GPBP1: variants seen among roughly 807,000 people sequenced by gnomAD.
GPBP1 encodes vasculin.
GPBP1 carries 13 observed loss-of-function variants against 56.5 expected under a neutral mutation model. That is an observed-to-expected ratio of 0.23 (90% CI 0.15 to 0.37). The LOEUF is 0.37. Ranked by LOEUF, GPBP1 falls within the 10% of genes least tolerant of loss-of-function variation. The pLI is 1.00. For synonymous variants in GPBP1, 204 were observed against 188.9 expected (o/e 1.08, Z -0.66); for missense variants, 477 against 572.3 (o/e 0.83, Z 1.70).
intron 3 of GPBP1, among the ~76,000 whole-genome samples, chr5:57,216,911 A>G (rs1327135434): frequency 1.3e-5 from 2 of 151,766 alleles, no homozygotes; most frequent in African/African-American, 4.8e-5. Flanking sequence ...GCTCATGACT[A>G]CAATTTCAGG....
At chr5:57,232,551 T>TA (rs1580052619) in intron 5 of GPBP1, among the ~76,000 whole-genome samples, 1 of 152,204 alleles carries the variant, frequency 6.6e-6, no homozygotes, top group East Asian at 1.9e-4. Context: ...TTCCACAAGT[T>TA]ACTTCCTCCT....
chr5:57,257,807 G>A (rs534147694), intron 10 of GPBP1, among the ~76,000 whole-genome samples: 11 of 152,208 alleles, frequency 7.2e-5, no homozygotes, highest in South Asian at 6.2e-4. Context: ...AGGGTTAGAC[G>A]TAAATAAGGG....
intron 6 of GPBP1, among the ~76,000 whole-genome samples, chr5:57,240,000 C>T (rs1216655373): frequency 6.6e-6 from 1 of 152,120 alleles, no homozygotes; most frequent in Non-Finnish European, 1.5e-5. Flanking sequence ...GTGGCTCATG[C>T]CTGTAATCCC....
At chr5:57,174,251 A>C (rs1753693575) in intron 1 of GPBP1, 40 bp downstream of exon 1, 1 of 152,002 alleles carries the variant, frequency 6.6e-6, no homozygotes, top group African/African-American at 2.4e-5. Context: ...AGCCCGGGGG[A>C]GGAGGGGAGT....
At chr5:57,239,465 T>G (rs988326053) in intron 6 of GPBP1, among the ~76,000 whole-genome samples, 1 of 152,188 alleles carries the variant, frequency 6.6e-6, no homozygotes, top group Admixed American at 6.5e-5. Context: ...TAAACCAAAA[T>G]AGATTTGTTA....
chr5:57,245,877 A>T lies in GPBP1; in HGVS notation c.479-423A>T, dbSNP rs73129907. ...TTATTGGTAATAACTTTGTAAGTGG[A>T]GTAAAAAGAATGAAAAAATTGAAAT... On this transcript the variant is annotated intron_variant, in intron 6 of 11. Coordinates refer to ENST00000506184, the MANE Select transcript of GPBP1 (RefSeq NM_022913.4). 677 of 153,202 alleles carry T rather than the reference A, an allele frequency of 4.4e-3. 2 individuals carry two copies. Among genetic ancestry groups the T allele is most frequent in the African/African-American group, 0.016 (650 of 41,624 alleles). The allele number at this position is 153,202 out of a possible 1,614,324, so 9.5% of individuals were successfully genotyped here.
intron 2 of GPBP1, among the ~76,000 whole-genome samples, chr5:57,203,944 C>T (rs955783191): frequency 6.2e-4 from 94 of 152,190 alleles, no homozygotes; most frequent in Non-Finnish European, 4.9e-4. Context: ...AGGCCATGTT[C>T]CTTAGACAGG....
At chr5:57,204,910 A>G (rs1250486428) in intron 2 of GPBP1, among the ~76,000 whole-genome samples, 3 of 152,150 alleles carry the variant, frequency 2.0e-5, no homozygotes, top group African/African-American at 4.8e-5. Context: ...ATGTTTTTTA[A>G]TTTATTCAAG....
At chr5:57,200,021 C>CTTT (rs61426559) in intron 2 of GPBP1, among the ~76,000 whole-genome samples, 11 of 58,886 alleles carry the variant, frequency 1.9e-4, no homozygotes, top group East Asian at 1.0e-3. Context: ...ACTTGAAAAT[C>CTTT]TTTTTTTTTT....
chr5:57,196,055 T>TA (rs1488560121), intron 2 of GPBP1, among the ~76,000 whole-genome samples: 1 of 150,052 alleles, frequency 6.7e-6, no homozygotes, highest in Admixed American at 6.7e-5. Flanking sequence ...GTCAATATGA[T>TA]ATCTGCACAT....
At chr5:57,192,170 C>T (rs1754555472) in intron 2 of GPBP1, among the ~76,000 whole-genome samples, 1 of 152,150 alleles carries the variant, frequency 6.6e-6, no homozygotes, top group Non-Finnish European at 1.5e-5. Flanking sequence ...GAAATTGTTT[C>T]TGGAACACTG....
At chr5:57,250,879 A>C in intron 9 of GPBP1, 75 bp from the exon 10 acceptor site, 1 of 967,598 alleles carries the variant, frequency 1.0e-6, no homozygotes, top group South Asian at 1.8e-5. Context: ...CTTAGTTAGG[A>C]TCTATTAAAA....
chr5:57,194,609 A>G (rs1001912389), intron 2 of GPBP1, among the ~76,000 whole-genome samples: 1 of 152,076 alleles, frequency 6.6e-6, no homozygotes, highest in African/African-American at 2.4e-5. Context: ...ACCAAATACT[A>G]GATCTTATTC....
At chr5:57,250,922 CTTTT>C (rs34533194) in intron 9 of GPBP1, 28 bp from the exon 10 acceptor site, 7 of 1,172,950 alleles carry the variant, frequency 6.0e-6, no homozygotes, top group Non-Finnish European at 7.1e-6. Flanking sequence ...AGAACTCATT[CTTTT>C]TTTTTTTTTT....
intron 3 of GPBP1, among the ~76,000 whole-genome samples, chr5:57,225,174 T>C (rs1003289437): frequency 6.6e-6 from 1 of 152,104 alleles, no homozygotes; most frequent in Non-Finnish European, 1.5e-5. Flanking sequence ...ACTGGTATTA[T>C]TTCGCCGGGC....
rs201510984 is a variant in GPBP1 at position 57,262,791 on chromosome 5, A to G, written c.*39A>G. ...AGCTTTAGAAATCTTAGTGTGATAC[A>G]TCTCTCATACAGTTTGGGGTGAATT... On this transcript the variant is annotated 3_prime_UTR_variant, in exon 12 of 12. Transcript: ENST00000506184. 5 of 1,567,058 alleles carry G rather than the reference A, an allele frequency of 3.2e-6. No homozygotes were observed. In the East Asian group the frequency reaches 6.7e-5, roughly 21 times the overall value.
intron 2 of GPBP1, among the ~76,000 whole-genome samples, chr5:57,210,701 A>G (rs1755439259): frequency 6.6e-6 from 1 of 152,228 alleles, no homozygotes; most frequent in Non-Finnish European, 1.5e-5. Flanking sequence ...GGCTTAAACA[A>G]CAGACATTTA....
chr5:57,175,688 G>T lies in GPBP1; in HGVS notation c.-770G>T, dbSNP rs754476398. ...TTTGGTTCAAACGGATTATATAACT[G>T]GTTACAGTATTTCAGCTGGTGGTAA... is the stretch of plus-strand genomic sequence containing the variant. On this transcript the variant is annotated 5_prime_UTR_variant, in exon 2 of 12. Transcript: ENST00000506184. 4 of 396,386 alleles carry T rather than the reference G, an allele frequency of 1.0e-5. No individual in the cohort carries two copies. The highest frequency in any genetic ancestry group is 1.8e-5 in the Non-Finnish European group (4 of 225,300). The allele number at this position is 396,386 out of a possible 1,614,324, so 24.6% of individuals were successfully genotyped here.
intron 11 of GPBP1, among the ~76,000 whole-genome samples, chr5:57,261,653 GTTTTGTTTTTTGT>G (rs1307459866): frequency 2.0e-5 from 3 of 152,126 alleles, no homozygotes; most frequent in Non-Finnish European, 4.4e-5. Context: ...GACCTTTTTT[GTTTTGTTTTTTGT>G]TTTTGTTTTT....
Sources: gnomAD v4.1 joint callset for allele counts (sites outside exome capture counted in the v4.1 genomes callset) on GRCh38, gnomAD v4.1.1 for gene constraint, MANE v1.5 for transcripts, NCBI Gene and HGNC (gene_info 2026-07-23, HGNC 2026-07-21) for gene names.